The following TMTC4 variants were observed in gnomAD, a reference collection of about 807,000 sequenced individuals.
TMTC4 encodes the protein protein O-mannosyl-transferase TMTC4.
In TMTC4, 65 loss-of-function variants were observed where a neutral mutation model predicts 86.0. The ratio of observed to expected loss-of-function variants is 0.76; its 90% CI spans 0.62 to 0.93. TMTC4 has a LOEUF of 0.93. TMTC4 is among the 40% of genes least tolerant of loss of function. The pLI, the probability that TMTC4 is intolerant of heterozygous loss-of-function variation, is 0.00. For missense variants in TMTC4, 866 were observed against 948.1 expected (o/e 0.91, Z 1.14); for synonymous variants, 379 against 382.5 (o/e 0.99, Z 0.11).
chr13:100,637,474 T>G, intron 9 of TMTC4, 64 bp downstream of exon 9: 1 of 1,545,674 alleles, frequency 6.5e-7, no homozygotes, highest in Non-Finnish European at 8.8e-7. Context: ...GGAGGAGGGG[T>G]GAGGGATCTG....
At chr13:100,663,524 C>T (rs897426235) in intron 4 of TMTC4, among the ~76,000 whole-genome samples, 5 of 152,148 alleles carry the variant, frequency 3.3e-5, no homozygotes, top group African/African-American at 1.2e-4. Flanking sequence ...ATATTCCACA[C>T]ACTACTCATG....
In TMTC4 at chr13:100,614,315, C is replaced by G. The variant is rs1487175440; in HGVS notation, c.1951+1G>C. ...GATTTGTTCCATCCAGCTTTCTGTA[C>G]CTGTATTGTCGAGGAGTATAATCAT... On this transcript the variant is annotated splice_donor_variant, in intron 16 of 18. Transcript: ENST00000342624. LOFTEE classifies it high-confidence loss of function. 6.2e-7 allele frequency: 1 copy of G among 1,610,270 alleles called. No homozygotes were observed. The highest frequency in any genetic ancestry group is 1.7e-5 in the Admixed American group (1 of 59,806).
intron 5 of TMTC4, 74 bp from the exon 6 acceptor site, chr13:100,656,542 CTTT>C (rs35563246): frequency 0.015 from 5,693 of 381,904 alleles, no homozygotes; most frequent in South Asian, 0.02. Context: ...GGAGACATAA[CTTT>C]TTTTTTTTTT....
Position 100,614,451 on chromosome 13 carries a change from A to G in TMTC4, c.1837-21T>C, listed in dbSNP as rs200447480. The G allele has an allele frequency of 1.9e-3, 2,893 of 1,561,404 alleles. 11 individuals carry two copies. Among genetic ancestry groups the G allele is most frequent in the Non-Finnish European group, 2.1e-3 (2,430 of 1,134,436 alleles). On this transcript the variant is annotated intron_variant, in intron 15 of 18. Transcript: ENST00000342624. The stretch of plus-strand genomic sequence containing the variant: ...GCATACTGAAAATAAAACACACCAA[A>G]AAATCAGTATTCCAAGTTTCCTGCT...
intron 15 of TMTC4, among the ~76,000 whole-genome samples, chr13:100,616,405 C>T (rs561924617): frequency 6.6e-6 from 1 of 152,134 alleles, no homozygotes; most frequent in South Asian, 2.1e-4. Context: ...CTTTCACCAT[C>T]TTGGCCAGGC....
At chr13:100,674,855 AC>A (rs1300381097), upstream of TMTC4, 621 of 943,608 alleles carry the variant, frequency 6.6e-4, 7 homozygotes, top group African/African-American at 0.01. Context: ...CGCGCACCCG[AC>A]CCCCCCCGCG....
intron 10 of TMTC4, chr13:100,635,757 C>T (rs1318548546): frequency 2.6e-5 from 4 of 152,976 alleles, no homozygotes; most frequent in Non-Finnish European, 1.5e-5. Flanking sequence ...CTTCTGGAAC[C>T]ACCTGATCAT....
chr13:100,668,447 A>G, intron 3 of TMTC4, 132 bp downstream of exon 3: 1 of 893,332 alleles, frequency 1.1e-6, no homozygotes, highest in Non-Finnish European at 1.7e-6. Context: ...AGAGAGAAAA[A>G]TCGAGAGCAC....
chr13:100,645,915 C>A lies in TMTC4; in HGVS notation c.641-3604G>T, dbSNP rs117717120. 3.4e-3 allele frequency among the ~76,000 whole-genome samples: 524 copies of A among 152,236 alleles called. 3 individuals carry two copies. The highest frequency in any genetic ancestry group is 5.5e-3 in the Non-Finnish European group (373 of 68,012). Reference sequence around the variant, plus strand: ...ACTCATCAGAGGCCAGTAGCACCACCCCCTACCGCTCCCCTCAGTGGTGAC... The same window carrying A: ...ACTCATCAGAGGCCAGTAGCACCACACCCTACCGCTCCCCTCAGTGGTGAC... On this transcript the variant is annotated intron_variant, in intron 6 of 18. Coordinates refer to ENST00000342624, the MANE Select transcript of TMTC4 (RefSeq NM_032813.5).
intron 15 of TMTC4, among the ~76,000 whole-genome samples, chr13:100,617,911 T>C (rs1226340684): frequency 6.6e-6 from 1 of 152,238 alleles, no homozygotes; most frequent in Non-Finnish European, 1.5e-5. Context: ...GTTGAATCTG[T>C]AGATTGCTTT....
At chr13:100,669,960 T>C (rs1313152307) in intron 2 of TMTC4, among the ~76,000 whole-genome samples, 2 of 152,082 alleles carry the variant, frequency 1.3e-5, no homozygotes, top group Non-Finnish European at 2.9e-5. Context: ...AGAGTTGTCA[T>C]GAGGGTTAAA....
intron 17 of TMTC4, among the ~76,000 whole-genome samples, chr13:100,610,209 C>A (rs1877342776): frequency 6.6e-6 from 1 of 152,190 alleles, no homozygotes; most frequent in South Asian, 2.1e-4. Context: ...ATCAAGATAG[C>A]TGGGCTGGAG....
intron 17 of TMTC4, among the ~76,000 whole-genome samples, chr13:100,608,212 C>T (rs1670638315): frequency 6.6e-6 from 1 of 152,164 alleles, no homozygotes. Context: ...TGAGGACGAA[C>T]ATCATTCAGG....
chr13:100,637,421 G>T, intron 9 of TMTC4, 117 bp downstream of exon 9: 1 of 1,313,344 alleles, frequency 7.6e-7, no homozygotes. Context: ...TGGAGGTGGC[G>T]CGTGTATTGG....
At chr13:100,606,496 T>C in intron 17 of TMTC4, 69 bp from the exon 18 acceptor site, 1 of 1,320,144 alleles carries the variant, frequency 7.6e-7, no homozygotes, top group Non-Finnish European at 1.1e-6. Context: ...CCCAGTTTTA[T>C]CACCTACGGT....
At position 100,642,354 on chromosome 13, in the gene TMTC4, C is replaced by A. The variant is rs776861589; in HGVS notation, c.641-43G>T. ...TGATCAGTGCAAAAGTCATGGAATG[C>A]AGCTCAGTTTTTTAGCATCAGGAAC... is the stretch of plus-strand genomic sequence containing the variant. On this transcript the variant is annotated intron_variant, in intron 6 of 18. Transcript: ENST00000342624. The A allele has an allele frequency of 3.1e-6, 5 of 1,603,432 alleles. No homozygotes were observed. In the South Asian group the frequency reaches 5.5e-5, roughly 18 times the overall value.
At position 100,658,685 on chromosome 13, in the gene TMTC4, C is replaced by T. The variant is rs1885415345; in HGVS notation, c.553-2217G>A. ...TGGCTAGTGTAGATTTGAAGAATCA[C>T]CAAAAATGAAATTTAAACATCAAAA... On this transcript the variant is annotated intron_variant, in intron 5 of 18. Coordinates refer to ENST00000342624, the MANE Select transcript of TMTC4 (RefSeq NM_032813.5). Among the ~76,000 whole-genome samples the T allele has an allele frequency of 5.9e-5, 9 of 152,136 alleles. No homozygotes were observed. In the South Asian group the frequency reaches 1.9e-3, roughly 32 times the overall value.
chr13:100,627,701 T>C (rs1880761525), intron 12 of TMTC4, among the ~76,000 whole-genome samples: 2 of 152,188 alleles, frequency 1.3e-5, no homozygotes, highest in South Asian at 4.1e-4. Flanking sequence ...AGGTTATACA[T>C]TATACTTCTA....
chr13:100,628,539 T>C (rs566762191), intron 12 of TMTC4, among the ~76,000 whole-genome samples: 2 of 152,336 alleles, frequency 1.3e-5, no homozygotes, highest in African/African-American at 4.8e-5. Flanking sequence ...CACAGAATTC[T>C]GTTTTTAATT....
Sources: gnomAD v4.1 joint callset for allele counts (sites outside exome capture counted in the v4.1 genomes callset) on GRCh38, gnomAD v4.1.1 for gene constraint, MANE v1.5 for transcripts, NCBI Gene and HGNC (gene_info 2026-07-23, HGNC 2026-07-21) for gene names.